The following ANKS1A variants were observed in gnomAD, a reference collection of about 807,000 sequenced individuals.
ANKS1A encodes the protein ankyrin repeat and SAM domain-containing protein 1A.
Under a neutral mutation model 120.3 loss-of-function variants are expected in ANKS1A, and 55 were observed. That is an observed-to-expected ratio of 0.46 (90% confidence interval 0.37 to 0.57). The LOEUF is 0.57. Among genes scored for constraint, ANKS1A ranks in the 20% least tolerant of loss-of-function variants. The pLI is 0.00. For synonymous variants in ANKS1A, 590 were observed against 604.7 expected (o/e 0.98, Z 0.36); for missense variants, 1,123 against 1,480.3 (o/e 0.76, Z 3.96).
chr6:34,967,176 A>T, intron 1 of ANKS1A, 63 bp from the exon 2 acceptor site: 1 of 1,535,192 alleles, frequency 6.5e-7, no homozygotes, highest in Non-Finnish European at 8.9e-7. Context: ...AGCTATCTCT[A>T]ACTTTGGTTT....
chr6:34,903,116 A>G (rs945636963), intron 1 of ANKS1A, among the ~76,000 whole-genome samples: 3 of 152,208 alleles, frequency 2.0e-5, no homozygotes, highest in African/African-American at 7.2e-5. Flanking sequence ...TGCTAGTACT[A>G]GCAGAATGAT....
rs989837950 is a variant in ANKS1A at position 35,084,718 on chromosome 6, G to A, written c.3132+460G>A. Reference sequence around the variant, plus strand: ...TAGGTCTCCAACCTCTGGCTGGGCCGCCTCCCAGAAATGCCCTCTACTTCC... The same window carrying A: ...TAGGTCTCCAACCTCTGGCTGGGCCACCTCCCAGAAATGCCCTCTACTTCC... On this transcript the variant is annotated intron_variant, in intron 21 of 23. Coordinates refer to ENST00000360359, the MANE Select transcript of ANKS1A (RefSeq NM_015245.3). The surrounding 1 kb of genome is among the most constrained non-coding windows in gnomAD (Gnocchi z 4.8). Among the ~76,000 whole-genome samples the A allele has an allele frequency of 3.9e-5, 6 of 152,114 alleles. No individual in the cohort carries two copies. The highest frequency in any genetic ancestry group is 7.2e-5 in the African/African-American group (3 of 41,420).
At chr6:35,038,400 C>G in intron 11 of ANKS1A, 2 of 448,766 alleles carry the variant, frequency 4.5e-6, no homozygotes, top group South Asian at 3.1e-5. Flanking sequence ...GAGTTAAGGG[C>G]AGTGAAGAGT....
intron 1 of ANKS1A, among the ~76,000 whole-genome samples, chr6:34,950,418 G>A (rs751635502): frequency 2.0e-5 from 3 of 151,790 alleles, no homozygotes; most frequent in Admixed American, 1.3e-4. Flanking sequence ...TAGTAGAGAC[G>A]GGGTTTCACC....
chr6:34,966,033 G>A (rs913853743), intron 1 of ANKS1A, among the ~76,000 whole-genome samples: 3 of 152,226 alleles, frequency 2.0e-5, no homozygotes, highest in South Asian at 2.1e-4. Context: ...ATGAGCCATC[G>A]CACCTGGCCT....
At chr6:34,905,977 A>G (rs1466056134) in intron 1 of ANKS1A, among the ~76,000 whole-genome samples, 4 of 152,108 alleles carry the variant, frequency 2.6e-5, no homozygotes, top group Admixed American at 2.0e-4. Flanking sequence ...CGCAGGAAAC[A>G]TTGTCTCCAG....
At chr6:35,046,932 C>T (rs534331552) in intron 11 of ANKS1A, among the ~76,000 whole-genome samples, 4 of 152,302 alleles carry the variant, frequency 2.6e-5, no homozygotes, top group African/African-American at 9.6e-5. Flanking sequence ...CCTCACCCAG[C>T]CTCTTCTGGT....
intron 3 of ANKS1A, among the ~76,000 whole-genome samples, chr6:34,980,474 G>A (rs1561887580): frequency 6.6e-6 from 1 of 152,202 alleles, no homozygotes; most frequent in Non-Finnish European, 1.5e-5. Flanking sequence ...AAAAGCAGAT[G>A]GAATTGCATA....
chr6:35,011,308 G>A (rs1773745625), intron 10 of ANKS1A, among the ~76,000 whole-genome samples: 1 of 152,184 alleles, frequency 6.6e-6, no homozygotes, highest in Non-Finnish European at 1.5e-5. Flanking sequence ...TACAAGAACT[G>A]GCAGAAGATC....
At chr6:34,988,148 G>A (rs959311793) in intron 8 of ANKS1A, among the ~76,000 whole-genome samples, 9 of 152,154 alleles carry the variant, frequency 5.9e-5, no homozygotes, top group African/African-American at 1.7e-4. Context: ...GTCCACAAGC[G>A]TCTGTTTTTG....
intron 11 of ANKS1A, among the ~76,000 whole-genome samples, chr6:35,047,782 G>A (rs1044724662): frequency 6.6e-6 from 1 of 152,140 alleles, no homozygotes; most frequent in Non-Finnish European, 1.5e-5. Context: ...TTTTACATTA[G>A]GCTGTTCTGG....
chr6:35,068,124 C>G (rs1776873876), intron 13 of ANKS1A, among the ~76,000 whole-genome samples: 1 of 152,124 alleles, frequency 6.6e-6, no homozygotes, highest in Admixed American at 6.6e-5. Flanking sequence ...GAACTCCTGA[C>G]CTCAGGTGAT....
Position 35,089,939 on chromosome 6 carries a change from T to C in ANKS1A, c.*1330T>C. 1.7e-6 allele frequency: 2 copies of C among 1,165,024 alleles called. No individual in the cohort carries two copies. Among genetic ancestry groups the C allele is most frequent in the Non-Finnish European group, 2.2e-6 (2 of 929,198 alleles). 72.2% of individuals were successfully genotyped at this position (1,165,024 alleles called of 1,614,324 possible). A position where few individuals can be genotyped will look rare whatever the true frequency, so the allele number is the denominator to read the frequency against. ...AATCCAGGCTTCAGCAACACTCCTCTTTCCCAGCCAGCAAAGGCTGTGAAT... is the reference window on the plus strand; with the variant it reads ...AATCCAGGCTTCAGCAACACTCCTCCTTCCCAGCCAGCAAAGGCTGTGAAT... On this transcript the variant is annotated 3_prime_UTR_variant, in exon 24 of 24. Transcript: ENST00000360359.
At chr6:35,043,827 T>C (rs1436446603) in intron 11 of ANKS1A, among the ~76,000 whole-genome samples, 1 of 152,186 alleles carries the variant, frequency 6.6e-6, no homozygotes, top group Admixed American at 6.5e-5. Flanking sequence ...TAAAACACCA[T>C]TGACTAAAAT....
At chr6:34,973,030 C>T (rs984166549) in intron 3 of ANKS1A, among the ~76,000 whole-genome samples, 4 of 152,028 alleles carry the variant, frequency 2.6e-5, no homozygotes, top group African/African-American at 9.7e-5. Flanking sequence ...TTAAGTTGTA[C>T]CTCCTGGAAT....
chr6:35,088,499 C>A, intron 23 of ANKS1A, 107 bp from the exon 24 acceptor site: 2 of 1,440,320 alleles, frequency 1.4e-6, no homozygotes, highest in Non-Finnish European at 2.0e-6. Flanking sequence ...CCCGGGGAGG[C>A]TGTGAGGGAT....
At chr6:34,910,521 A>G (rs111612066) in intron 1 of ANKS1A, among the ~76,000 whole-genome samples, 16 of 152,258 alleles carry the variant, frequency 1.1e-4, no homozygotes, top group African/African-American at 3.6e-4. Context: ...TGATCACACT[A>G]CTACTACACT....
chr6:34,983,561 T>A (rs1772028839), intron 7 of ANKS1A, 136 bp downstream of exon 7: 1 of 760,288 alleles, frequency 1.3e-6, no homozygotes, highest in African/African-American at 1.8e-5. Flanking sequence ...TTCAGTTCAT[T>A]TTTTGCCAAC....
At chr6:35,039,092 G>GTGTGT (rs139625626) in intron 11 of ANKS1A, among the ~76,000 whole-genome samples, 2 of 113,152 alleles carry the variant, frequency 1.8e-5, no homozygotes, top group Non-Finnish European at 3.9e-5. Flanking sequence ...GTGTGTGTGT[G>GTGTGT]GGGGGGGGTT....
Sources: gnomAD v4.1 joint callset for allele counts (sites outside exome capture counted in the v4.1 genomes callset) on GRCh38, gnomAD v4.1.1 for gene constraint, Gnocchi (gnomAD v3.1) non-coding constraint, MANE v1.5 for transcripts, NCBI Gene and HGNC (gene_info 2026-07-23, HGNC 2026-07-21) for gene names.